COL14A1: variants seen among roughly 807,000 people sequenced by gnomAD.
COL14A1 encodes the protein collagen alpha-1(XIV) chain.
COL14A1 carries 136 observed loss-of-function variants against 230.3 expected under a neutral mutation model. That is an observed-to-expected ratio of 0.59 (90% CI 0.51 to 0.68). The LOEUF (loss-of-function observed/expected upper bound fraction) is 0.68. Ranked by LOEUF, COL14A1 falls within the 30% of genes least tolerant of loss-of-function variation. The pLI is 0.00. For synonymous variants in COL14A1, 792 were observed against 784.1 expected (o/e 1.01, Z -0.17); for missense variants, 1,976 against 2,215.8 (o/e 0.89, Z 2.17).
intron 5 of COL14A1, among the ~76,000 whole-genome samples, chr8:120,187,940 C>G (rs78495292): frequency 0.027 from 4,080 of 152,256 alleles, 186 homozygotes; most frequent in African/African-American, 0.094. Context: ...AGCTTTGCCA[C>G]TTCTTAGCTG....
Position 120,332,520 on chromosome 8 carries a change from A to G in COL14A1, c.4714-144A>G, listed in dbSNP as rs1262399826. ...AAAAAGTCTTCCCTCCGTTTTTGGGAGTTGGGAACAGGAATGAGGTCCTGG... is the reference window on the plus strand; with the variant it reads ...AAAAAGTCTTCCCTCCGTTTTTGGGGGTTGGGAACAGGAATGAGGTCCTGG... On this transcript the variant is annotated intron_variant, in intron 41 of 47. Coordinates refer to ENST00000297848, the MANE Select transcript of COL14A1 (RefSeq NM_021110.4). 4 of 674,974 alleles carry G rather than the reference A, an allele frequency of 5.9e-6. No homozygotes were observed. In the African/African-American group the frequency reaches 7.3e-5, roughly 12 times the overall value. The allele number at this position is 674,974 out of a possible 1,614,324, so 41.8% of individuals were successfully genotyped here. A position where few individuals can be genotyped will look rare whatever the true frequency, so the allele number is the denominator to read the frequency against.
rs536752337 is a variant in COL14A1, at chr8:120,290,814, T to C, written c.4236+1048T>C. Reference sequence around the variant, plus strand: ...TGCTATTTTGCAGCATTTATTTTTGTGGTAACAATAGAAGTGAATGGTAGC... The same window carrying C: ...TGCTATTTTGCAGCATTTATTTTTGCGGTAACAATAGAAGTGAATGGTAGC... On this transcript the variant is annotated intron_variant, in intron 34 of 47. Transcript: ENST00000297848. Among the ~76,000 whole-genome samples, 4 of 152,332 alleles carry C rather than the reference T, an allele frequency of 2.6e-5. No homozygotes were observed. In the South Asian group the frequency reaches 8.3e-4, roughly 32 times the overall value.
intron 1 of COL14A1, among the ~76,000 whole-genome samples, chr8:120,128,021 A>G (rs1282773311): frequency 6.6e-6 from 1 of 152,210 alleles, no homozygotes; most frequent in Non-Finnish European, 1.5e-5. Flanking sequence ...AGAAAGTTTA[A>G]AGGAAAGTGA....
Position 120,212,561 on chromosome 8 carries a change from G to C in COL14A1, c.1581G>C (p.Thr527=). The C allele has an allele frequency of 6.2e-7, 1 of 1,613,394 alleles. No individual in the cohort carries two copies. Among genetic ancestry groups the C allele is most frequent in the Non-Finnish European group, 8.5e-7 (1 of 1,179,506 alleles). Reference sequence around the variant, plus strand: ...GAGAAGAGGCCAGTGATCCTGTTACGGGACAAGAAACAACATGTGAGCAGC... The same window carrying C: ...GAGAAGAGGCCAGTGATCCTGTTACCGGACAAGAAACAACATGTGAGCAGC... The part of the protein sequence containing the change: ...MFGEEASDPV[T]GQETTLALSP... Residue 527 remains threonine, a synonymous_variant, in exon 13 of 48, where the codon ACG becomes ACC. Transcript: ENST00000297848.
In COL14A1 at chr8:120,208,304, G is replaced by C. The variant is rs1022734479; in HGVS notation, c.1264G>C (p.Val422Leu). Residue 422 changes from valine (V) to leucine (L), a missense_variant, in exon 11 of 48, where the codon GTC (valine) becomes CTC (leucine). Coordinates refer to ENST00000297848, the MANE Select transcript of COL14A1 (RefSeq NM_021110.4). ...LMSLTEYQIA[V>L]FAIYAHTASE... is the part of the protein sequence containing the mutation. ...GTCTTTAACTGAATATCAGATAGCAGTCTTTGCAATCTATGCCCACACTGC... is the reference window on the plus strand; with the variant it reads ...GTCTTTAACTGAATATCAGATAGCACTCTTTGCAATCTATGCCCACACTGC... The C allele has an allele frequency of 1.2e-6, 2 of 1,613,642 alleles. No homozygotes were observed. The highest frequency in any genetic ancestry group is 1.7e-6 in the Non-Finnish European group (2 of 1,179,702).
At chr8:120,138,047 G>A (rs997949840) in intron 1 of COL14A1, among the ~76,000 whole-genome samples, 13 of 151,904 alleles carry the variant, frequency 8.6e-5, no homozygotes, top group South Asian at 2.1e-4. Context: ...CTTAAAAAAT[G>A]TACATTTTTG....
At chr8:120,251,458 C>G (rs569294624) in intron 22 of COL14A1, among the ~76,000 whole-genome samples, 69 of 152,250 alleles carry the variant, frequency 4.5e-4, no homozygotes, top group African/African-American at 1.5e-3. Flanking sequence ...AAGTACATGC[C>G]ACCCCATTCT....
intron 1 of COL14A1, among the ~76,000 whole-genome samples, chr8:120,133,123 G>A (rs1814591239): frequency 6.6e-6 from 1 of 151,948 alleles, no homozygotes; most frequent in South Asian, 2.1e-4. Context: ...GGCTGAGGCA[G>A]GAGAATGGCG....
chr8:120,247,253 C>T (rs1374638751), intron 20 of COL14A1, among the ~76,000 whole-genome samples: 2 of 152,150 alleles, frequency 1.3e-5, no homozygotes, highest in Admixed American at 1.3e-4. Flanking sequence ...GAAACCCTAT[C>T]TCTACTAAAA....
At chr8:120,361,890 G>A (rs918643907) in intron 45 of COL14A1, among the ~76,000 whole-genome samples, 3 of 152,202 alleles carry the variant, frequency 2.0e-5, no homozygotes, top group African/African-American at 7.2e-5. Context: ...ACAACCAAGG[G>A]CCAGCCCCTG....
intron 9 of COL14A1, 111 bp from the exon 10 acceptor site, chr8:120,206,832 A>G (rs1817448505): frequency 1.8e-6 from 2 of 1,090,320 alleles, no homozygotes; most frequent in Non-Finnish European, 2.5e-6. Context: ...TAAAGAGGAA[A>G]ATCTTAGAGG....
chr8:120,173,267 G>T (rs149835130), intron 5 of COL14A1, among the ~76,000 whole-genome samples: 314 of 152,166 alleles, frequency 2.1e-3, no homozygotes, highest in African/African-American at 7.1e-3. Flanking sequence ...AATTGTTCCA[G>T]ATTTGCTAGG....
At chr8:120,228,248 C>T (rs1818157137) in intron 17 of COL14A1, among the ~76,000 whole-genome samples, 1 of 152,240 alleles carries the variant, frequency 6.6e-6, no homozygotes, top group African/African-American at 2.4e-5. Flanking sequence ...GGGAAGAGCA[C>T]CACATCTGTA....
intron 2 of COL14A1, among the ~76,000 whole-genome samples, chr8:120,150,102 GGTTACTGT>G (rs1815232741): frequency 6.6e-6 from 1 of 152,134 alleles, no homozygotes; most frequent in South Asian, 2.1e-4. Context: ...CCTTCAACCA[GGTTACTGT>G]GTACTAGGGA....
At chr8:120,298,805 TTTGTTCTC>T (rs1270339460) in intron 35 of COL14A1, among the ~76,000 whole-genome samples, 1 of 150,800 alleles carries the variant, frequency 6.6e-6, no homozygotes. Flanking sequence ...ACCGTATTAG[TTTGTTCTC>T]ATGCTGCTAA....
intron 41 of COL14A1, among the ~76,000 whole-genome samples, chr8:120,332,433 T>G (rs1821902274): frequency 6.6e-6 from 1 of 152,212 alleles, no homozygotes; most frequent in African/African-American, 2.4e-5. Flanking sequence ...TAGCTTTTAT[T>G]AAATCACAAC....
In COL14A1 at chr8:120,255,206, G is replaced by T. The variant is rs373962680; in HGVS notation, c.2753-34G>T. ...TCAGGGATGCTTGTGTGTTGTCTGC[G>T]GTGTGATACAGTTATGTTTCTATTT... is the stretch of plus-strand genomic sequence containing the variant. On this transcript the variant is annotated intron_variant, in intron 22 of 47. Transcript: ENST00000297848. 6 of 1,509,344 alleles carry T rather than the reference G, an allele frequency of 4.0e-6. No individual in the cohort carries two copies. The Admixed American group carries it at 5.0e-5, about 13-fold the overall frequency. 93.5% of individuals were successfully genotyped at this position (1,509,344 alleles called of 1,614,324 possible).
chr8:120,297,584 G>A lies in COL14A1; in HGVS notation c.4310G>A (p.Gly1437Asp). 7.2e-7 allele frequency: 1 copy of A among 1,386,252 alleles called. No homozygotes were observed. The highest frequency in any genetic ancestry group is 9.4e-7 in the Non-Finnish European group (1 of 1,062,674). The allele number at this position is 1,386,252 out of a possible 1,614,324, so 85.9% of individuals were successfully genotyped here. The change falls in exon 35 of 48, where the codon GGC becomes GAC. Residue 1437 changes from glycine to aspartate, a missense_variant. This residue lies in a region of COL14A1 where 1,791 missense variants were observed against 2,019.5 expected (regional missense o/e 0.89). Coordinates refer to ENST00000297848, the MANE Select transcript of COL14A1 (RefSeq NM_021110.4). Reference sequence around the variant, plus strand: ...ACAGACAAATGCTGTGAACTTCCAGGCCTGGTAAGAATTCTTCCTTCATTT... The same window carrying A: ...ACAGACAAATGCTGTGAACTTCCAGACCTGGTAAGAATTCTTCCTTCATTT... ...ANTDKCCELP[G>D]LRDDESCPDL...
intron 8 of COL14A1, among the ~76,000 whole-genome samples, chr8:120,200,581 A>T (rs189954139): frequency 6.0e-5 from 9 of 151,232 alleles, no homozygotes; most frequent in Non-Finnish European, 1.2e-4. Context: ...TACGTGTTTT[A>T]AAACCATACC....
Sources: allele counts gnomAD v4.1 joint callset (sites outside exome capture counted in the v4.1 genomes callset), GRCh38; gene constraint gnomAD v4.1.1; regional missense constraint gnomAD v4.1.1; transcripts MANE v1.5; gene names NCBI Gene and HGNC (gene_info 2026-07-23, HGNC 2026-07-21).